The following PPP2R2B variants were observed in gnomAD, a reference collection of about 807,000 sequenced individuals.
The protein encoded by PPP2R2B is serine/threonine-protein phosphatase 2A 55 kDa regulatory subunit B beta isoform.
Under a neutral mutation model 46.0 loss-of-function variants are expected in PPP2R2B, and 5 were observed. The observed-to-expected ratio is 0.11, with a 90% confidence interval of 0.06 to 0.23. The LOEUF (loss-of-function observed/expected upper bound fraction) is 0.23. Ranked by LOEUF, PPP2R2B falls within the 10% of genes least tolerant of loss-of-function variation. PPP2R2B has a pLI of 1.00. For missense variants in PPP2R2B, 367 were observed against 575.0 expected, an observed-to-expected ratio of 0.64 and a Z score of 3.70; for synonymous variants, 215 against 206.7, an observed-to-expected ratio of 1.04 and a Z score of -0.34.
intron 2 of PPP2R2B, chr5:146,707,248 T>C (rs184458620): frequency 0.022 from 34,348 of 1,587,562 alleles, 476 homozygotes; most frequent in Non-Finnish European, 0.025. Context: ...GAGGCTCCAC[T>C]TGGTCTCCAG....
At position 146,647,031 on chromosome 5, in the gene PPP2R2B, T is replaced by C. The variant is rs377765706; in HGVS notation, c.625+3516A>G. Among the ~76,000 whole-genome samples, 89 of 152,172 alleles carry C rather than the reference T, an allele frequency of 5.8e-4. 1 individual carries two copies. In the South Asian group the frequency reaches 0.018, roughly 30 times the overall value. ...CACTTGTTGGACTCTGAAGCCTGAG[T>C]TCTCAACCGTAATGCCAAAGTCACA... On this transcript the variant is annotated intron_variant, in intron 6 of 9. Coordinates refer to ENST00000394411, the MANE Select transcript of PPP2R2B (RefSeq NM_181675.4).
rs6149281 is a variant in PPP2R2B at position 146,585,259 on chromosome 5, T to TAC, written c.*4686_*4687dup. On this transcript the variant is annotated 3_prime_UTR_variant, in exon 10 of 10. Transcript: ENST00000394411. ...GATCAGTAACTTCCATCTACATGCA[T>TAC]ACACACACACACACACACACACACA... The TAC allele has an allele frequency of 0.17, 22,186 of 129,608 alleles. 2,170 individuals carry two copies. The highest frequency in any genetic ancestry group is 0.33 in the East Asian group (1,418 of 4,310). 8.0% of individuals were successfully genotyped at this position (129,608 alleles called of 1,614,324 possible).
intron 4 of PPP2R2B, among the ~76,000 whole-genome samples, chr5:146,697,544 C>G (rs1779249328): frequency 6.6e-6 from 1 of 152,164 alleles, no homozygotes; most frequent in African/African-American, 2.4e-5. Context: ...TAATTTTTGT[C>G]AGAGAGACAC....
At chr5:146,596,324 G>T (rs1309516513) in intron 8 of PPP2R2B, among the ~76,000 whole-genome samples, 1 of 152,194 alleles carries the variant, frequency 6.6e-6, no homozygotes, top group Non-Finnish European at 1.5e-5. Context: ...ATGTATAATA[G>T]TAGCATTACC....
upstream of PPP2R2B, chr5:147,056,050 A>G: frequency 8.6e-7 from 1 of 1,160,276 alleles, no homozygotes; most frequent in Non-Finnish European, 1.1e-6. Flanking sequence ...TCCTGCCTGT[A>G]AACACACGCT....
At chr5:146,959,399 A>G (rs1752068813) in intron 1 of PPP2R2B, among the ~76,000 whole-genome samples, 1 of 152,128 alleles carries the variant, frequency 6.6e-6, no homozygotes, top group Admixed American at 6.6e-5. Context: ...GGAAACAGTG[A>G]TTGTAGTATA....
chr5:146,812,667 G>GTATA (rs1186426182), intron 2 of PPP2R2B, among the ~76,000 whole-genome samples: 20 of 640 alleles, frequency 0.031, 7 homozygotes, highest in Admixed American at 0.059. Flanking sequence ...CCTCAGAAGA[G>GTATA]TATATATATA....
At chr5:147,018,056 C>G (rs1354631606) in intron 1 of PPP2R2B, among the ~76,000 whole-genome samples, 1 of 151,074 alleles carries the variant, frequency 6.6e-6, no homozygotes, top group Non-Finnish European at 1.5e-5. Flanking sequence ...CACACACACA[C>G]ACACACACAC....
Position 146,807,639 on chromosome 5 carries a change from T to C in PPP2R2B, c.70+70363A>G, listed in dbSNP as rs1360508332. Reference sequence around the variant, plus strand: ...AGATGAGAAATGTGGATCTTGGAGATGTAACTTGCCCAAATTCCAAGCCAG... The same window carrying C: ...AGATGAGAAATGTGGATCTTGGAGACGTAACTTGCCCAAATTCCAAGCCAG... On this transcript the variant is annotated intron_variant, in intron 2 of 9. Coordinates refer to ENST00000394411, the MANE Select transcript of PPP2R2B (RefSeq NM_181675.4). Among the ~76,000 whole-genome samples, 3 of 152,206 alleles carry C rather than the reference T, an allele frequency of 2.0e-5. No individual in the cohort carries two copies. In the East Asian group the frequency reaches 5.8e-4, roughly 29 times the overall value.
intron 2 of PPP2R2B, among the ~76,000 whole-genome samples, chr5:146,798,519 T>A (rs557977733): frequency 6.6e-6 from 1 of 152,318 alleles, no homozygotes; most frequent in East Asian, 1.9e-4. Context: ...GAGCAGGAGC[T>A]TAAATTATTC....
At chr5:146,740,789 GATA>G (rs1178285361) in intron 2 of PPP2R2B, among the ~76,000 whole-genome samples, 1 of 152,106 alleles carries the variant, frequency 6.6e-6, no homozygotes, top group Admixed American at 6.6e-5. Flanking sequence ...ATGATGGTAG[GATA>G]ATAATGCAAA....
chr5:146,960,977 G>A (rs148303461), intron 1 of PPP2R2B, among the ~76,000 whole-genome samples: 5 of 152,140 alleles, frequency 3.3e-5, no homozygotes, highest in South Asian at 4.2e-4. Context: ...TCATCCCACC[G>A]GAGTCAACCA....
chr5:146,984,659 A>T, intron 1 of PPP2R2B, among the ~76,000 whole-genome samples: 1 of 152,068 alleles, frequency 6.6e-6, no homozygotes, highest in East Asian at 1.9e-4. Flanking sequence ...GAAGCTTCAT[A>T]CTGTTTTCCA....
intron 1 of PPP2R2B, among the ~76,000 whole-genome samples, chr5:146,935,374 C>T (rs1764105603): frequency 6.6e-6 from 1 of 152,154 alleles, no homozygotes; most frequent in Non-Finnish European, 1.5e-5. Context: ...TTTCCAGCTT[C>T]CAGAACTAGG....
At chr5:146,973,795 C>T (rs970398240) in intron 1 of PPP2R2B, among the ~76,000 whole-genome samples, 1 of 152,148 alleles carries the variant, frequency 6.6e-6, no homozygotes, top group Admixed American at 6.5e-5. Context: ...CAATGAGAAA[C>T]ACAAGTTTCC....
At chr5:146,650,193 C>T (rs535497731) in intron 6 of PPP2R2B, among the ~76,000 whole-genome samples, 5 of 152,186 alleles carry the variant, frequency 3.3e-5, no homozygotes, top group African/African-American at 4.8e-5. Flanking sequence ...CCATGCTGTC[C>T]ATACAGATTT....
In PPP2R2B at chr5:146,873,410, A is replaced by G. The variant is rs528330957; in HGVS notation, c.70+4592T>C. ...AACTTCTAGAAAAACAAATCTGATC[A>G]TGTTTCCCTTTTCCTTAATGGCTTT... On this transcript the variant is annotated intron_variant, in intron 2 of 9. Coordinates refer to ENST00000394411, the MANE Select transcript of PPP2R2B (RefSeq NM_181675.4). Among the ~76,000 whole-genome samples the G allele has an allele frequency of 1.2e-4, 18 of 152,228 alleles. No homozygotes were observed. The South Asian group carries it at 3.7e-3, about 32-fold the overall frequency.
At position 146,856,342 on chromosome 5, in the gene PPP2R2B, T is replaced by C. The variant is rs568565683; in HGVS notation, c.70+21660A>G. 3.9e-5 allele frequency among the ~76,000 whole-genome samples: 6 copies of C among 152,320 alleles called. No individual in the cohort carries two copies. In the South Asian group the frequency reaches 1.2e-3, roughly 32 times the overall value. On this transcript the variant is annotated intron_variant, in intron 2 of 9. Transcript: ENST00000394411. ...AACTATTTAAAAAATGTAAATTAACTTGTGTCCTACGGAACAAATTTTAAG... is the reference window on the plus strand; with the variant it reads ...AACTATTTAAAAAATGTAAATTAACCTGTGTCCTACGGAACAAATTTTAAG...
chr5:146,609,574 T>C (rs964909448), intron 7 of PPP2R2B, among the ~76,000 whole-genome samples: 1 of 151,178 alleles, frequency 6.6e-6, no homozygotes, highest in Admixed American at 6.6e-5. Flanking sequence ...CATTTCCATC[T>C]GAGGTACCGG....
Sources: gnomAD v4.1 joint callset for allele counts (sites outside exome capture counted in the v4.1 genomes callset) on GRCh38, gnomAD v4.1.1 for gene constraint, MANE v1.5 for transcripts, NCBI Gene and HGNC (gene_info 2026-07-23, HGNC 2026-07-21) for gene names.